The following INO80 variants were observed in gnomAD, a reference collection of about 807,000 sequenced individuals.
INO80 encodes the protein chromatin-remodeling ATPase INO80.
INO80 carries 20 observed loss-of-function variants against 203.4 expected under a neutral mutation model. The observed-to-expected ratio is 0.10, with a 90% CI of 0.07 to 0.14. INO80 has a LOEUF of 0.14. Ranked by LOEUF, INO80 falls within the 10% of genes least tolerant of loss-of-function variation. INO80 has a pLI of 1.00. For synonymous variants in INO80, 726 were observed against 685.2 expected (o/e 1.06, Z -0.93); for missense variants, 1,419 against 1,914.4 (o/e 0.74, Z 4.83).
At position 40,983,047 on chromosome 15, in the gene INO80, C is replaced by T; in HGVS notation, c.4268G>A (p.Gly1423Glu). 6.2e-7 allele frequency: 1 copy of T among 1,613,856 alleles called. No individual in the cohort carries two copies. The highest frequency in any genetic ancestry group is 8.5e-7 in the Non-Finnish European group (1 of 1,179,990). Residue 1423 changes from glycine (G) to glutamate (E), a missense_variant, in exon 35 of 36, where the codon GGA becomes GAA. By Grantham distance (98) the Gly-to-Glu change is moderately conservative. Around this residue, in one of 9 missense-constraint regions of INO80, gnomAD observed 214 missense variants for 248.9 expected, o/e 0.86. Coordinates refer to ENST00000648947, the MANE Select transcript of INO80 (RefSeq NM_017553.3). Reference protein sequence around the residue: ...GISIQEMPAAGRGHSARSRGR... With the variant: ...GISIQEMPAAERGHSARSRGR... The stretch of plus-strand genomic sequence containing the variant: ...TCGGCTTCGGGCTGAGTGACCACGT[C>T]CTGCAGCTGGCATTTCCTGAATGGA...
chr15:41,024,374 C>A (rs1596268367), intron 25 of INO80: 1 of 152,166 alleles, frequency 6.6e-6, no homozygotes, highest in East Asian at 1.9e-4. Context: ...AGACAGCCTC[C>A]CCCTATTCTG....
chr15:41,044,051 G>C (rs2044712756), intron 24 of INO80, among the ~76,000 whole-genome samples: 1 of 152,178 alleles, frequency 6.6e-6, no homozygotes, highest in Non-Finnish European at 1.5e-5. Context: ...GCCATTCCCA[G>C]GTGTAGTGGA....
intron 27 of INO80, among the ~76,000 whole-genome samples, chr15:41,012,561 T>TAAAAAAAAAA (rs71104767): frequency 0.43 from 38,967 of 90,420 alleles, 10,020 homozygotes; most frequent in East Asian, 0.65. Flanking sequence ...AGACTCTTTT[T>TAAAAAAAAAA]AAAAAAAAAA....
At chr15:41,052,341 GTTCTACTCCTCTC>G (rs753027476) in intron 19 of INO80, among the ~76,000 whole-genome samples, 4 of 152,088 alleles carry the variant, frequency 2.6e-5, no homozygotes, top group Non-Finnish European at 5.9e-5. Flanking sequence ...TAAAGGTACA[GTTCTACTCCTCTC>G]TTTGAAGAGG....
At chr15:41,085,320 G>A in intron 7 of INO80, 49 bp downstream of exon 7, 1 of 1,495,188 alleles carries the variant, frequency 6.7e-7, no homozygotes, top group Non-Finnish European at 9.3e-7. Context: ...TAGTGGGTGG[G>A]GAGAGAAAAC....
intron 27 of INO80, among the ~76,000 whole-genome samples, chr15:41,011,199 G>A (rs1240420341): frequency 1.3e-5 from 2 of 152,110 alleles, no homozygotes; most frequent in African/African-American, 2.4e-5. Context: ...TCTCCCTGAT[G>A]GTTGAAATTC....
intron 23 of INO80, among the ~76,000 whole-genome samples, chr15:41,046,040 G>A (rs973538337): frequency 1.3e-5 from 2 of 151,534 alleles, no homozygotes; most frequent in East Asian, 3.9e-4. Context: ...AGGCTATGCT[G>A]CAATCACTAA....
chr15:41,002,940 TAAAAATAC>T lies in INO80; in HGVS notation c.3497+2645_3497+2652del, dbSNP rs558513814. ...TAACATAGTGAAACCTTGTCTCTACTAAAAATACAAAAATACAAAAATACAAAAAATTA... is the reference window on the plus strand; with the variant it reads ...TAACATAGTGAAACCTTGTCTCTACTAAAAATACAAAAATACAAAAAATTA... On this transcript the variant is annotated intron_variant, in intron 28 of 35. Transcript: ENST00000648947. Among the ~76,000 whole-genome samples, 475 of 152,122 alleles carry T rather than the reference TAAAAATAC, an allele frequency of 3.1e-3. 3 individuals carry two copies. Among genetic ancestry groups the T allele is most frequent in the South Asian group, 0.013 (63 of 4,810 alleles).
chr15:40,987,740 T>G (rs1268553716), intron 30 of INO80, 76 bp downstream of exon 30: 7 of 1,319,268 alleles, frequency 5.3e-6, no homozygotes, highest in Non-Finnish European at 7.4e-6. Context: ...AGTTTTAAAA[T>G]AGTCTCAATG....
chr15:40,982,785 A>G (rs1442388659), intron 35 of INO80, 77 bp downstream of exon 35: 1 of 1,215,008 alleles, frequency 8.2e-7, no homozygotes, highest in South Asian at 1.4e-5. Flanking sequence ...GGTTTCCTAC[A>G]TGTTCTACCT....
intron 1 of INO80, among the ~76,000 whole-genome samples, chr15:41,115,048 A>G (rs1014239101): frequency 6.6e-6 from 1 of 152,212 alleles, no homozygotes; most frequent in African/African-American, 2.4e-5. Context: ...CAATAAAGCT[A>G]TTATTTAATT....
intron 7 of INO80, among the ~76,000 whole-genome samples, chr15:41,082,580 A>G (rs1317503672): frequency 1.3e-5 from 2 of 152,070 alleles, no homozygotes; most frequent in African/African-American, 4.8e-5. Context: ...AGGCGCCTGT[A>G]ATCCCAGCTA....
At chr15:41,007,425 T>G (rs540663285) in intron 27 of INO80, among the ~76,000 whole-genome samples, 1 of 152,130 alleles carries the variant, frequency 6.6e-6, no homozygotes, top group East Asian at 1.9e-4. Flanking sequence ...TCAGGTGATC[T>G]GCCCACCTCA....
chr15:41,048,405 C>A, intron 21 of INO80, 129 bp from the exon 22 acceptor site: 10 of 644,966 alleles, frequency 1.6e-5, no homozygotes, highest in South Asian at 4.2e-5. Context: ...AAGTTTCTTG[C>A]CATATTACCA....
chr15:41,010,514 G>C (rs1263157589), intron 27 of INO80, among the ~76,000 whole-genome samples: 1 of 151,922 alleles, frequency 6.6e-6, no homozygotes, highest in Non-Finnish European at 1.5e-5. Context: ...ACAGGCAGTA[G>C]GTGGCAGACC....
chr15:40,994,620 C>G (rs1596241490), intron 29 of INO80, among the ~76,000 whole-genome samples: 1 of 152,106 alleles, frequency 6.6e-6, no homozygotes, highest in East Asian at 1.9e-4. Flanking sequence ...CTGCCTCTGC[C>G]TCCCAAAGTG....
At chr15:41,100,087 C>CTT (rs1030248964) in intron 1 of INO80, among the ~76,000 whole-genome samples, 3 of 148,732 alleles carry the variant, frequency 2.0e-5, no homozygotes, top group African/African-American at 7.4e-5. Context: ...ATTTTCTTTT[C>CTT]TTTTTTTTTT....
chr15:41,059,761 T>C (rs906885063), intron 15 of INO80, 106 bp downstream of exon 15: 1 of 704,338 alleles, frequency 1.4e-6, no homozygotes, highest in Non-Finnish European at 2.3e-6. Flanking sequence ...TCCAGAAATA[T>C]ATAATAGATA....
At chr15:41,071,532 G>A (rs375484780) in intron 12 of INO80, among the ~76,000 whole-genome samples, 1 of 137,500 alleles carries the variant, frequency 7.3e-6, no homozygotes, top group East Asian at 2.3e-4. Context: ...TTAGCTCACC[G>A]CAATCTCCGC....
Sources: gnomAD v4.1 joint callset for allele counts (sites outside exome capture counted in the v4.1 genomes callset) on GRCh38, gnomAD v4.1.1 for gene constraint, gnomAD v4.1.1 regional missense constraint, MANE v1.5 for transcripts, NCBI Gene and HGNC (gene_info 2026-07-23, HGNC 2026-07-21) for gene names.